The following GRIP1 variants were observed in gnomAD, a reference collection of about 807,000 sequenced individuals.
GRIP1 encodes the protein glutamate receptor interacting protein 1.
GRIP1 carries 45 observed loss-of-function variants against 129.9 expected under a neutral mutation model. The ratio of observed to expected loss-of-function variants is 0.35; its 90% CI spans 0.27 to 0.44. The LOEUF (loss-of-function observed/expected upper bound fraction) is 0.44. Ranked by LOEUF, GRIP1 falls within the 20% of genes least tolerant of loss-of-function variation. GRIP1 has a pLI of 1.00. For missense variants in GRIP1, 1,196 were observed against 1,396.8 expected, an observed-to-expected ratio of 0.86 and a Z score of 2.29; for synonymous variants, 530 against 520.8, an observed-to-expected ratio of 1.02 and a Z score of -0.24.
intron 7 of GRIP1, among the ~76,000 whole-genome samples, chr12:66,504,136 G>A (rs1490851826): frequency 1.3e-5 from 2 of 152,170 alleles, no homozygotes; most frequent in African/African-American, 4.8e-5. Flanking sequence ...CAAGCTAAGG[G>A]TTACATGCAG....
At chr12:66,389,236 T>C (rs1592746814) in intron 19 of GRIP1, among the ~76,000 whole-genome samples, 1 of 152,190 alleles carries the variant, frequency 6.6e-6, no homozygotes, top group South Asian at 2.1e-4. Flanking sequence ...ATTTTTGTTT[T>C]AATTTTTTTT....
chr12:66,385,275 C>T (rs1371556599), intron 19 of GRIP1, among the ~76,000 whole-genome samples: 1 of 152,192 alleles, frequency 6.6e-6, no homozygotes, highest in Non-Finnish European at 1.5e-5. Flanking sequence ...GTAGCTCATG[C>T]CTGCAATCCC....
intron 1 of GRIP1, among the ~76,000 whole-genome samples, chr12:67,053,100 C>T (rs2043374665): frequency 6.6e-6 from 1 of 152,072 alleles, no homozygotes; most frequent in African/African-American, 2.4e-5. Flanking sequence ...CATGAGGGGC[C>T]TTTGATTCAT....
At chr12:66,880,262 T>C (rs1354252542) in intron 1 of GRIP1, among the ~76,000 whole-genome samples, 1 of 151,912 alleles carries the variant, frequency 6.6e-6, no homozygotes, top group Non-Finnish European at 1.5e-5. Context: ...ACTAGGATTG[T>C]GGGTGGTAAG....
At chr12:66,444,207 C>T (rs2058550764) in intron 13 of GRIP1, among the ~76,000 whole-genome samples, 1 of 152,182 alleles carries the variant, frequency 6.6e-6, no homozygotes, top group South Asian at 2.1e-4. Context: ...TTCCTCTTGG[C>T]CGGGCGCGGT....
intron 1 of GRIP1, among the ~76,000 whole-genome samples, chr12:66,791,402 T>C (rs1224567087): frequency 6.6e-6 from 1 of 151,978 alleles, no homozygotes; most frequent in Non-Finnish European, 1.5e-5. Flanking sequence ...AGACAAAAGA[T>C]TGATGACTAG....
At chr12:66,937,309 C>T (rs12309092) in intron 1 of GRIP1, among the ~76,000 whole-genome samples, 4,571 of 152,298 alleles carry the variant, frequency 0.03, 217 homozygotes, top group African/African-American at 0.1. Context: ...TTATCACTGA[C>T]TGACATACTA....
At chr12:66,747,367 A>C (rs1313761481) in intron 1 of GRIP1, among the ~76,000 whole-genome samples, 3 of 152,334 alleles carry the variant, frequency 2.0e-5, no homozygotes, top group African/African-American at 7.2e-5. Flanking sequence ...AACTGTGTAC[A>C]TGAAAAGAAT....
intron 1 of GRIP1, among the ~76,000 whole-genome samples, chr12:66,613,608 A>G (rs2064908960): frequency 6.6e-6 from 1 of 152,164 alleles, no homozygotes; most frequent in East Asian, 1.9e-4. Context: ...ACAACTATGA[A>G]AAAAAAGAAC....
chr12:66,978,110 C>T (rs762934659), intron 1 of GRIP1, among the ~76,000 whole-genome samples: 23 of 151,948 alleles, frequency 1.5e-4, no homozygotes, highest in Non-Finnish European at 2.9e-4. Flanking sequence ...ATCTGAACCA[C>T]GACACCTGGC....
chr12:66,398,506 T>G (rs2056874832), intron 16 of GRIP1, among the ~76,000 whole-genome samples: 3 of 151,946 alleles, frequency 2.0e-5, no homozygotes, highest in African/African-American at 2.4e-5. Context: ...CCTGTAGAAT[T>G]TCTACTTTTA....
At chr12:66,996,832 C>T (rs1162968657) in intron 1 of GRIP1, among the ~76,000 whole-genome samples, 2 of 152,072 alleles carry the variant, frequency 1.3e-5, no homozygotes, top group African/African-American at 4.8e-5. Flanking sequence ...AAGTTCTTAC[C>T]ATCCCCACAT....
At chr12:66,519,727 C>T (rs1286211148) in intron 5 of GRIP1, among the ~76,000 whole-genome samples, 1 of 152,168 alleles carries the variant, frequency 6.6e-6, no homozygotes. Context: ...TTAGTATCAA[C>T]TGGGATGCTT....
intron 16 of GRIP1, among the ~76,000 whole-genome samples, chr12:66,395,478 G>A (rs1032411647): frequency 3.3e-5 from 5 of 152,164 alleles, no homozygotes; most frequent in African/African-American, 1.2e-4. Context: ...AAAATAAGGA[G>A]GAAAACCAAA....
chr12:66,906,529 G>T (rs182587072), intron 1 of GRIP1, among the ~76,000 whole-genome samples: 18 of 152,232 alleles, frequency 1.2e-4, no homozygotes, highest in African/African-American at 3.4e-4. Flanking sequence ...ATGAAAGCAA[G>T]TTACCAATAC....
chr12:66,576,246 T>C (rs899482193), intron 2 of GRIP1, among the ~76,000 whole-genome samples: 5 of 152,200 alleles, frequency 3.3e-5, no homozygotes, highest in African/African-American at 7.2e-5. Context: ...CATAATAACC[T>C]GTAGAGAGGA....
chr12:66,812,471 C>T (rs978640876), intron 1 of GRIP1, among the ~76,000 whole-genome samples: 1 of 152,164 alleles, frequency 6.6e-6, no homozygotes, highest in African/African-American at 2.4e-5. Context: ...TTATCTGGTT[C>T]ATTCGTCTGT....
intron 7 of GRIP1, among the ~76,000 whole-genome samples, chr12:66,497,488 A>G (rs1208250180): frequency 6.6e-6 from 1 of 152,192 alleles, no homozygotes; most frequent in Admixed American, 6.5e-5. Context: ...AGCTTAAAAC[A>G]AGAGCATTGG....
chr12:66,917,578 A>G (rs1472944316), intron 1 of GRIP1, among the ~76,000 whole-genome samples: 2 of 152,190 alleles, frequency 1.3e-5, no homozygotes, highest in Non-Finnish European at 2.9e-5. Flanking sequence ...TAAAGAAATA[A>G]TTTCCTTTTA....
Sources: gnomAD v4.1 joint callset for allele counts (sites outside exome capture counted in the v4.1 genomes callset) on GRCh38, gnomAD v4.1.1 for gene constraint, MANE v1.5 for transcripts, NCBI Gene and HGNC (gene_info 2026-07-23, HGNC 2026-07-21) for gene names.